Variants in BCOR observed in about 807,000 individuals in gnomAD.
The protein encoded by BCOR is BCL6 corepressor.
In BCOR, 10 loss-of-function variants were observed where a neutral mutation model predicts 86.7. The ratio of observed to expected loss-of-function variants is 0.12; its 90% CI spans 0.07 to 0.20. BCOR has a LOEUF of 0.20. BCOR is among the 10% of genes least tolerant of loss of function. The pLI is 1.00. For missense variants in BCOR, 1,259 were observed against 1,452.1 expected, an observed-to-expected ratio of 0.87 and a Z score of 2.16; for synonymous variants, 611 against 609.0, an observed-to-expected ratio of 1.00 and a Z score of -0.05.
chrX:40,093,306 GC>G (rs765053662), intron 1 of BCOR, among the ~76,000 whole-genome samples: 12 of 111,627 alleles, frequency 1.1e-4, no homozygotes, highest in Admixed American at 3.8e-4. Context: ...TTTTTGCTTT[GC>G]CTATAATGTG....
chrX:40,139,486 TATATATA>T (rs1937855144), intron 1 of BCOR, among the ~76,000 whole-genome samples: 6 of 15,997 alleles, frequency 3.8e-4, no homozygotes, highest in East Asian at 1.4e-3. Context: ...TATATATATA[TATATATA>T]TATATTTTTT....
chrX:40,075,061 T>C lies in BCOR; in HGVS notation c.285A>G (p.Gly95=), dbSNP rs143135906. The C allele has an allele frequency of 1.0e-5, 12 of 1,205,869 alleles. No homozygotes were observed. The highest frequency in any genetic ancestry group is 5.9e-5 in the East Asian group (2 of 33,733). The change falls in exon 4 of 15, where the codon GGA becomes GGG. Residue 95 remains glycine (G), a synonymous_variant. Coordinates refer to ENST00000378444, the MANE Select transcript of BCOR (RefSeq NM_001123385.2). ...CCTCCCGACCTTTCTCTGAGCCCAG[T>C]CCACACAAGCTAGAATAGACGATGT... ...PGNIVYSSLC[G]LGSEKGREAA... is the part of the protein sequence containing the mutation.
At chrX:40,151,158 T>A (rs1275055604) in intron 1 of BCOR, among the ~76,000 whole-genome samples, 1 of 111,818 alleles carries the variant, frequency 8.9e-6, no homozygotes, top group Non-Finnish European at 1.9e-5. Context: ...ACCCACCAGG[T>A]ACTCCAAACC....
intron 1 of BCOR, among the ~76,000 whole-genome samples, chrX:40,105,104 A>G (rs758295775): frequency 2.3e-4 from 26 of 111,048 alleles, no homozygotes; most frequent in South Asian, 1.5e-3. Context: ...TATCAGCAGC[A>G]GCGGCGGCGG....
In BCOR at chrX:40,051,872, A is replaced by G. The variant is rs1303113697; in HGVS notation, c.*237T>C. 2 of 300,561 alleles carry G rather than the reference A, an allele frequency of 6.7e-6. No homozygotes were observed. The highest frequency in any genetic ancestry group is 5.5e-5 in the African/African-American group (2 of 36,592). 24.8% of individuals were successfully genotyped at this position (300,561 alleles called of 1,213,427 possible). A position where few individuals can be genotyped will look rare whatever the true frequency, so the allele number is the denominator to read the frequency against. ...CCAAGTAAAAACAAACGTATCCCAAAGCATGTGTGCATTGAAAAGTAAAGA... is the reference window on the plus strand; with the variant it reads ...CCAAGTAAAAACAAACGTATCCCAAGGCATGTGTGCATTGAAAAGTAAAGA... On this transcript the variant is annotated 3_prime_UTR_variant, in exon 15 of 15. Coordinates refer to ENST00000378444, the MANE Select transcript of BCOR (RefSeq NM_001123385.2).
In BCOR at chrX:40,055,527, C is replaced by T. The variant is rs937917716; in HGVS notation, c.4596-14G>A. ...TCGTGCAGAGGCCTAGGAAGAGAGGCGCAATAGAATTATGCTCATGCAAGC... is the reference window on the plus strand; with the variant it reads ...TCGTGCAGAGGCCTAGGAAGAGAGGTGCAATAGAATTATGCTCATGCAAGC... On this transcript the variant is annotated splice_polypyrimidine_tract_variant and intron_variant, in intron 11 of 14. Coordinates refer to ENST00000378444, the MANE Select transcript of BCOR (RefSeq NM_001123385.2). 2.5e-6 allele frequency: 3 copies of T among 1,210,424 alleles called. No homozygotes were observed. The highest frequency in any genetic ancestry group is 2.2e-6 in the Non-Finnish European group (2 of 894,832).
At chrX:40,126,624 G>A (rs1182583243) in intron 1 of BCOR, among the ~76,000 whole-genome samples, 1 of 111,838 alleles carries the variant, frequency 8.9e-6, no homozygotes, top group East Asian at 2.8e-4. Flanking sequence ...GGAGGCCAAG[G>A]TGGGCAGATG....
chrX:40,160,543 C>A (rs1303025957), intron 1 of BCOR, among the ~76,000 whole-genome samples: 1 of 104,847 alleles, frequency 9.5e-6, no homozygotes, highest in Non-Finnish European at 1.9e-5. Flanking sequence ...ATCAGTCAAT[C>A]AATAAAAAGA....
chrX:40,066,339 G>C (rs188259727), intron 6 of BCOR, among the ~76,000 whole-genome samples: 5 of 111,656 alleles, frequency 4.5e-5, no homozygotes, highest in Admixed American at 2.8e-4. Context: ...GCTTGGCCTG[G>C]GGACGCAAAG....
chrX:40,167,119 T>G (rs1293780463), intron 1 of BCOR, among the ~76,000 whole-genome samples: 3 of 112,391 alleles, frequency 2.7e-5, no homozygotes, highest in African/African-American at 9.7e-5. Context: ...TCCACTGCTC[T>G]TCTCCCTCGG....
chrX:40,070,963 G>C lies in BCOR; in HGVS notation c.3238+10C>G, dbSNP rs780108979. On this transcript the variant is annotated intron_variant, in intron 6 of 14. Coordinates refer to ENST00000378444, the MANE Select transcript of BCOR (RefSeq NM_001123385.2). ...AGGCCAACACAAGCAAACTGCTCAG[G>C]TTTACTTACATCTCTCACTTTCGTT... 1 of 1,209,500 alleles carries C rather than the reference G, an allele frequency of 8.3e-7. No homozygotes were observed.
At chrX:40,107,875 G>A (rs922314128) in intron 1 of BCOR, among the ~76,000 whole-genome samples, 1 of 113,677 alleles carries the variant, frequency 8.8e-6, no homozygotes, top group African/African-American at 3.2e-5. Context: ...AATAGGACAA[G>A]TGTTTCTGTG....
chrX:40,130,616 C>T (rs956364157), intron 1 of BCOR, among the ~76,000 whole-genome samples: 1 of 105,827 alleles, frequency 9.4e-6, no homozygotes. Context: ...GGAAGCATGT[C>T]GGTGGGGAGG....
At chrX:40,055,321 T>C in intron 12 of BCOR, 47 bp downstream of exon 12, 1 of 1,121,944 alleles carries the variant, frequency 8.9e-7, no homozygotes, top group Non-Finnish European at 1.2e-6. Context: ...TTGTATCGAG[T>C]TATCATCTAA....
intron 3 of BCOR, among the ~76,000 whole-genome samples, 191 bp downstream of exon 3, chrX:40,076,263 G>A (rs1284735347): frequency 8.9e-6 from 1 of 111,971 alleles, no homozygotes; most frequent in Non-Finnish European, 1.9e-5. Flanking sequence ...CATGTGTGGC[G>A]AGGCAGGAAG....
chrX:40,055,079 C>T (rs902673569), intron 12 of BCOR, among the ~76,000 whole-genome samples: 1 of 112,222 alleles, frequency 8.9e-6, no homozygotes, highest in Non-Finnish European at 1.9e-5. Context: ...AGGTTTGAGT[C>T]ATTTTTCCCA....
intron 10 of BCOR, among the ~76,000 whole-genome samples, chrX:40,058,532 C>T (rs770074372): frequency 3.6e-5 from 4 of 112,025 alleles, no homozygotes; most frequent in Admixed American, 9.5e-5. Flanking sequence ...CACCCATAAA[C>T]GTGAGGTGAG....
chrX:40,164,527 T>C (rs1003857348), intron 1 of BCOR, among the ~76,000 whole-genome samples: 8 of 112,029 alleles, frequency 7.1e-5, no homozygotes, highest in African/African-American at 2.6e-4. Context: ...CAGTGACCTG[T>C]GTCTTCCTCA....
intron 7 of BCOR, 85 bp downstream of exon 7, chrX:40,064,251 C>G: frequency 8.5e-7 from 1 of 1,173,390 alleles, no homozygotes; most frequent in Non-Finnish European, 1.2e-6. Context: ...GGCAGCGCGC[C>G]GCACATCCAC....
Sources: gnomAD v4.1 joint callset for allele counts (sites outside exome capture counted in the v4.1 genomes callset) on GRCh38, gnomAD v4.1.1 for gene constraint, MANE v1.5 for transcripts, NCBI Gene and HGNC (gene_info 2026-07-23, HGNC 2026-07-21) for gene names.